Variants in NELL1 observed in about 807,000 individuals in gnomAD.
NELL1 encodes the protein protein kinase C-binding protein NELL1.
A neutral mutation model predicts 107.4 loss-of-function variants in NELL1; 76 were observed. That is an observed-to-expected ratio of 0.71 (90% CI 0.59 to 0.86). The LOEUF (loss-of-function observed/expected upper bound fraction) is 0.86. Among genes scored for constraint, NELL1 ranks in the 40% least tolerant of loss-of-function variants. The pLI, the probability that NELL1 is intolerant of heterozygous loss-of-function variation, is 0.00. For missense variants in NELL1, 1,024 were observed against 1,005.5 expected, an observed-to-expected ratio of 1.02 and a Z score of -0.25; for synonymous variants, 353 against 341.2, an observed-to-expected ratio of 1.03 and a Z score of -0.38.
intron 16 of NELL1, among the ~76,000 whole-genome samples, chr11:21,555,618 C>A (rs796929169): frequency 7.2e-5 from 11 of 151,972 alleles, no homozygotes; most frequent in African/African-American, 2.4e-4. Context: ...GAAAGGGTTT[C>A]TTCCTGACTC....
intron 13 of NELL1, among the ~76,000 whole-genome samples, chr11:21,133,751 G>A (rs549012782): frequency 6.7e-6 from 1 of 150,092 alleles, no homozygotes; most frequent in African/African-American, 2.4e-5. Flanking sequence ...GGGGGTGGGG[G>A]ATGGGCTTTG....
chr11:20,914,619 G>A (rs1056595076), intron 5 of NELL1, among the ~76,000 whole-genome samples: 1 of 152,048 alleles, frequency 6.6e-6, no homozygotes, highest in African/African-American at 2.4e-5. Context: ...TTCCATCATG[G>A]TCTGAACTAG....
At chr11:20,895,807 G>A (rs1036085492) in intron 5 of NELL1, among the ~76,000 whole-genome samples, 1 of 152,064 alleles carries the variant, frequency 6.6e-6, no homozygotes, top group Non-Finnish European at 1.5e-5. Flanking sequence ...CGCCTGGCCA[G>A]ATACTTGCCT....
chr11:20,949,774 G>A (rs1487391706), intron 11 of NELL1, among the ~76,000 whole-genome samples: 1 of 152,174 alleles, frequency 6.6e-6, no homozygotes, highest in Non-Finnish European at 1.5e-5. Flanking sequence ...GCAAGCAGTG[G>A]CATTTACCAA....
chr11:21,248,940 A>G (rs1283260494), intron 14 of NELL1, among the ~76,000 whole-genome samples: 1 of 152,138 alleles, frequency 6.6e-6, no homozygotes. Flanking sequence ...ATGACAGGGA[A>G]GAGGCTGTCT....
intron 13 of NELL1, among the ~76,000 whole-genome samples, chr11:21,165,050 C>A (rs751523192): frequency 6.6e-6 from 1 of 152,088 alleles, no homozygotes; most frequent in Admixed American, 6.6e-5. Context: ...AGATAAAACA[C>A]GTCTAATTAT....
In NELL1 at chr11:21,354,305, TTTTTC is replaced by T. The variant is rs370899565; in HGVS notation, c.1550-16539_1550-16535del. 1.8e-3 allele frequency among the ~76,000 whole-genome samples: 272 copies of T among 152,156 alleles called. 10 individuals carry two copies. In the South Asian group the frequency reaches 0.051, roughly 29 times the overall value. On this transcript the variant is annotated intron_variant, in intron 14 of 19. Coordinates refer to ENST00000357134, the MANE Select transcript of NELL1 (RefSeq NM_006157.5). ...TGGCTAAGTTGCGAGATATGATGGT[TTTTTC>T]TTTTCTTTATTTATTGTTTGTATTA... is the stretch of plus-strand genomic sequence containing the variant.
intron 3 of NELL1, among the ~76,000 whole-genome samples, chr11:20,834,221 T>A (rs1017449251): frequency 6.6e-6 from 1 of 152,178 alleles, no homozygotes; most frequent in Non-Finnish European, 1.5e-5. Flanking sequence ...GTAGATACTT[T>A]GGAACAGAAG....
At chr11:21,083,361 C>A (rs188584258) in intron 12 of NELL1, among the ~76,000 whole-genome samples, 1 of 152,174 alleles carries the variant, frequency 6.6e-6, no homozygotes, top group East Asian at 1.9e-4. Flanking sequence ...CCAAACTTTA[C>A]TGCTAAATTT....
intron 14 of NELL1, among the ~76,000 whole-genome samples, chr11:21,367,245 T>C (rs893157129): frequency 7.0e-6 from 1 of 142,098 alleles, no homozygotes; most frequent in African/African-American, 2.7e-5. Context: ...TAATGACAGA[T>C]TCAGGTTTAT....
In NELL1 at chr11:21,483,882, C is replaced by T. The variant is rs145737409; in HGVS notation, c.1646-50492C>T. Among the ~76,000 whole-genome samples, 3,150 of 118,400 alleles carry T rather than the reference C, an allele frequency of 0.027. 267 individuals are homozygous for T. In the East Asian group the frequency reaches 0.31, roughly 12 times the overall value. The allele number at this position is 118,400 out of a possible 152,430, so 77.7% of individuals were successfully genotyped here. On this transcript the variant is annotated intron_variant, in intron 15 of 19. Coordinates refer to ENST00000357134, the MANE Select transcript of NELL1 (RefSeq NM_006157.5). The stretch of plus-strand genomic sequence containing the variant: ...ATACATATACAAACACACACACACA[C>T]ACATATATATATATATATAAAATAT...
At chr11:20,780,735 T>A (rs1299581677) in intron 2 of NELL1, among the ~76,000 whole-genome samples, 1 of 152,138 alleles carries the variant, frequency 6.6e-6, no homozygotes, top group Non-Finnish European at 1.5e-5. Flanking sequence ...GCCAGAAGAT[T>A]GCATTTACAG....
chr11:21,022,151 G>C (rs1172262249), intron 12 of NELL1, among the ~76,000 whole-genome samples: 1 of 152,062 alleles, frequency 6.6e-6, no homozygotes, highest in Non-Finnish European at 1.5e-5. Context: ...GCTATTTGAT[G>C]CTTCATGTAT....
intron 13 of NELL1, among the ~76,000 whole-genome samples, chr11:21,185,740 G>A (rs1856922468): frequency 6.6e-6 from 1 of 151,798 alleles, no homozygotes; most frequent in Non-Finnish European, 1.5e-5. Context: ...TTAGTGCAGT[G>A]TCTGTCATAC....
chr11:20,692,807 T>C (rs1854504783), intron 2 of NELL1, among the ~76,000 whole-genome samples: 2 of 152,214 alleles, frequency 1.3e-5, no homozygotes, highest in South Asian at 4.1e-4. Context: ...TAGGTCCGCT[T>C]AGTGCAGAGC....
intron 13 of NELL1, among the ~76,000 whole-genome samples, chr11:21,123,342 T>TGC (rs1855414386): frequency 8.2e-6 from 1 of 121,772 alleles, no homozygotes; most frequent in South Asian, 3.0e-4. Flanking sequence ...TGCGTGTGTG[T>TGC]GTGTGTGTGT....
At chr11:21,024,493 A>T (rs1852770934) in intron 12 of NELL1, among the ~76,000 whole-genome samples, 1 of 152,104 alleles carries the variant, frequency 6.6e-6, no homozygotes, top group Admixed American at 6.6e-5. Context: ...GTTAAAATTT[A>T]TTGTTCAAAC....
At chr11:21,406,238 G>C (rs1157550720) in intron 15 of NELL1, among the ~76,000 whole-genome samples, 1 of 151,964 alleles carries the variant, frequency 6.6e-6, no homozygotes, top group Non-Finnish European at 1.5e-5. Flanking sequence ...CTGTTCTTCA[G>C]TCACTTGCTT....
At chr11:20,726,634 A>G (rs1166440357) in intron 2 of NELL1, among the ~76,000 whole-genome samples, 1 of 152,058 alleles carries the variant, frequency 6.6e-6, no homozygotes, top group Admixed American at 6.5e-5. Flanking sequence ...TCTAGGGTAC[A>G]TGTGCACAAT....
Sources: allele counts gnomAD v4.1 joint callset (sites outside exome capture counted in the v4.1 genomes callset), GRCh38; gene constraint gnomAD v4.1.1; transcripts MANE v1.5; gene names NCBI Gene and HGNC (gene_info 2026-07-23, HGNC 2026-07-21).